The following NCKAP1 variants were observed in gnomAD, a reference collection of about 807,000 sequenced individuals.
NCKAP1 encodes the protein NCK associated protein 1, also known as nck-associated protein 1.
In NCKAP1, 21 loss-of-function variants were observed where a neutral mutation model predicts 151.2. The observed-to-expected ratio is 0.14, with a 90% CI of 0.10 to 0.20. The LOEUF is 0.20. Ranked by LOEUF, NCKAP1 falls within the 10% of genes least tolerant of loss-of-function variation. The pLI is 1.00. For synonymous variants in NCKAP1, 484 were observed against 451.8 expected, an observed-to-expected ratio of 1.07 and a Z score of -0.90; for missense variants, 933 against 1,352.1, an observed-to-expected ratio of 0.69 and a Z score of 4.86.
chr2:182,960,029 G>A (rs1427868742), intron 18 of NCKAP1, among the ~76,000 whole-genome samples: 2 of 152,166 alleles, frequency 1.3e-5, no homozygotes, highest in Non-Finnish European at 2.9e-5. Flanking sequence ...TACAAGGGAC[G>A]TGAAGGACCT....
chr2:182,942,157 C>G lies in NCKAP1; in HGVS notation c.2608G>C (p.Val870Leu). The G allele has an allele frequency of 6.2e-7, 1 of 1,609,498 alleles. No homozygotes were observed. The highest frequency in any genetic ancestry group is 8.5e-7 in the Non-Finnish European group (1 of 1,177,524). Residue 870 changes from valine to leucine, a missense_variant, in exon 24 of 31, where the codon GTG becomes CTG. Val to Leu is a conservative substitution (Grantham distance 32). Transcript: ENST00000361354. The part of the protein sequence containing the change: ...SSQVAELKKL[V>L]VENVDVLTQM... ...GTTAACACATCAACATTCTCCACCA[C>G]AAGTTTCTAAAAAAAAAAGAAAGAT... is the stretch of plus-strand genomic sequence containing the variant.
At chr2:182,942,751 A>G (rs989181402) in intron 23 of NCKAP1, among the ~76,000 whole-genome samples, 2 of 152,136 alleles carry the variant, frequency 1.3e-5, no homozygotes, top group Non-Finnish European at 2.9e-5. Context: ...AGAGATATAA[A>G]TAAGGGAAGG....
chr2:183,010,463 C>T (rs528938438), intron 2 of NCKAP1, among the ~76,000 whole-genome samples: 19 of 152,310 alleles, frequency 1.2e-4, no homozygotes, highest in Non-Finnish European at 2.1e-4. Context: ...AGAGAAACTA[C>T]CCAGTCAACC....
chr2:182,958,317 T>A (rs776117400), intron 18 of NCKAP1, among the ~76,000 whole-genome samples: 1 of 152,142 alleles, frequency 6.6e-6, no homozygotes, highest in Admixed American at 6.5e-5. Context: ...TTTATTTGTA[T>A]ATTTTTAGTA....
rs1267110259 is a variant in NCKAP1 at position 182,912,176 on chromosome 2, T to G, written c.*13526A>C. On this transcript the variant is annotated 3_prime_UTR_variant, in exon 31 of 31. Coordinates refer to ENST00000361354, the MANE Select transcript of NCKAP1 (RefSeq NM_013436.5). Reference sequence around the variant, plus strand: ...AAGACCATCTTAAAATATCTTTGGATATTGGCAAAAATTTAGGGAGCTTTT... The same window carrying G: ...AAGACCATCTTAAAATATCTTTGGAGATTGGCAAAAATTTAGGGAGCTTTT... The G allele has an allele frequency of 6.6e-6, 1 of 152,208 alleles. No individual in the cohort carries two copies. Among genetic ancestry groups the G allele is most frequent in the Non-Finnish European group, 1.5e-5 (1 of 68,032 alleles). 9.4% of individuals were successfully genotyped at this position (152,208 alleles called of 1,614,324 possible).
At chr2:183,012,140 C>T (rs1698600652) in intron 2 of NCKAP1, among the ~76,000 whole-genome samples, 1 of 152,062 alleles carries the variant, frequency 6.6e-6, no homozygotes, top group South Asian at 2.1e-4. Flanking sequence ...TGATCAATTC[C>T]CATATTCCCT....
rs192767059 is a variant in NCKAP1 at position 182,989,469 on chromosome 2, T to C, written c.791-283A>G. On this transcript the variant is annotated intron_variant, in intron 8 of 30. Transcript: ENST00000361354. ...GTCATTTTAATAAAAATAACATTTATAAAATATTTTCAACCAAAGATCAGA... is the reference window on the plus strand; with the variant it reads ...GTCATTTTAATAAAAATAACATTTACAAAATATTTTCAACCAAAGATCAGA... Among the ~76,000 whole-genome samples the C allele has an allele frequency of 3.4e-3, 523 of 152,330 alleles. 4 individuals are homozygous for C. Among genetic ancestry groups the C allele is most frequent in the Middle Eastern group, 0.014 (4 of 294 alleles).
intron 19 of NCKAP1, 117 bp from the exon 20 acceptor site, chr2:182,956,710 A>T: frequency 3.7e-6 from 4 of 1,070,504 alleles, no homozygotes; most frequent in Non-Finnish European, 5.2e-6. Flanking sequence ...TCGACTTTTT[A>T]TTCTCCTAAA....
intron 1 of NCKAP1, among the ~76,000 whole-genome samples, chr2:183,031,440 T>A (rs12611998): frequency 1.2e-4 from 19 of 152,240 alleles, no homozygotes; most frequent in African/African-American, 4.3e-4. Context: ...AGGACTACTG[T>A]GGAACACATA....
chr2:182,975,111 C>T (rs929672165), intron 15 of NCKAP1, among the ~76,000 whole-genome samples: 7 of 152,262 alleles, frequency 4.6e-5, no homozygotes, highest in Admixed American at 4.6e-4. Flanking sequence ...CAATGACTTT[C>T]AAAGTTTTAA....
At chr2:183,005,265 C>T (rs1038955489) in intron 2 of NCKAP1, among the ~76,000 whole-genome samples, 1 of 151,940 alleles carries the variant, frequency 6.6e-6, no homozygotes, top group African/African-American at 2.4e-5. Flanking sequence ...CTTAATAATC[C>T]CAATTTATTT....
intron 11 of NCKAP1, 114 bp from the exon 12 acceptor site, chr2:182,983,041 T>C: frequency 1.2e-6 from 1 of 800,498 alleles, no homozygotes; most frequent in Non-Finnish European, 2.0e-6. Flanking sequence ...TTCAAAAGAG[T>C]GAAGAGACTA....
chr2:183,007,858 C>T (rs2105880800), intron 2 of NCKAP1, among the ~76,000 whole-genome samples: 1 of 152,324 alleles, frequency 6.6e-6, no homozygotes, highest in Non-Finnish European at 1.5e-5. Context: ...CCTAACTGGT[C>T]TCTGTATTTC....
intron 2 of NCKAP1, among the ~76,000 whole-genome samples, chr2:183,009,475 G>C (rs9750949): frequency 0.17 from 16,675 of 98,492 alleles, 1,793 homozygotes; most frequent in African/African-American, 0.24. Flanking sequence ...AGGAAGGAAG[G>C]AAGCAAGCAA....
chr2:182,926,542 A>C (rs1175187889), intron 30 of NCKAP1, among the ~76,000 whole-genome samples: 1 of 152,056 alleles, frequency 6.6e-6, no homozygotes, highest in African/African-American at 2.4e-5. Flanking sequence ...ACACTAGAAA[A>C]ATACAAGGCC....
chr2:183,026,594 C>T lies in NCKAP1; in HGVS notation c.109-2678G>A, dbSNP rs188974072. On this transcript the variant is annotated intron_variant, in intron 1 of 30. Transcript: ENST00000361354. ...TGCTCAGTGGACCTTATCTAACATA[C>T]TTAATTGGGAGGCAGTATGTCTCAA... Among the ~76,000 whole-genome samples the T allele has an allele frequency of 3.9e-3, 593 of 151,900 alleles. 4 individuals carry two copies. The highest frequency in any genetic ancestry group is 5.8e-3 in the Non-Finnish European group (391 of 67,978).
chr2:183,002,073 G>A, intron 5 of NCKAP1, 30 bp from the exon 6 acceptor site: 7 of 1,612,198 alleles, frequency 4.3e-6, no homozygotes, highest in Non-Finnish European at 5.9e-6. Context: ...ATTTCAATGA[G>A]TTGTAATCCA....
intron 2 of NCKAP1, among the ~76,000 whole-genome samples, chr2:183,014,567 T>C (rs1426288253): frequency 6.6e-6 from 1 of 152,208 alleles, no homozygotes; most frequent in Non-Finnish European, 1.5e-5. Flanking sequence ...CTGCATACTC[T>C]TGGCCAGGGA....
At chr2:182,950,323 T>G (rs1697188547) in intron 23 of NCKAP1, among the ~76,000 whole-genome samples, 1 of 152,122 alleles carries the variant, frequency 6.6e-6, no homozygotes, top group Non-Finnish European at 1.5e-5. Flanking sequence ...TACAGATAAT[T>G]CTAGAAGTGC....
Sources: allele counts gnomAD v4.1 joint callset (sites outside exome capture counted in the v4.1 genomes callset), GRCh38; gene constraint gnomAD v4.1.1; transcripts MANE v1.5; gene names NCBI Gene and HGNC (gene_info 2026-07-23, HGNC 2026-07-21).